The following FLNB variants were observed in gnomAD, a reference collection of about 807,000 sequenced individuals.
FLNB encodes the protein filamin B.
Under a neutral mutation model 250.6 loss-of-function variants are expected in FLNB, and 111 were observed. The observed-to-expected ratio is 0.44, with a 90% confidence interval of 0.38 to 0.52. The LOEUF (loss-of-function observed/expected upper bound fraction) is 0.52. Among genes scored for constraint, FLNB ranks in the 20% least tolerant of loss-of-function variants. The pLI is 0.00. For missense variants in FLNB, 2,869 were observed against 3,447.8 expected (o/e 0.83, Z 4.20); for synonymous variants, 1,302 against 1,372.1 (o/e 0.95, Z 1.13).
chr3:58,100,396 G>A (rs1410899090), intron 8 of FLNB, among the ~76,000 whole-genome samples: 8 of 36,572 alleles, frequency 2.2e-4, no homozygotes, highest in African/African-American at 6.9e-4. Flanking sequence ...TTGCAGGGGC[G>A]CGGTGGGAAG....
At chr3:58,135,045 G>T (rs1479471292) in intron 27 of FLNB, among the ~76,000 whole-genome samples, 5 of 151,956 alleles carry the variant, frequency 3.3e-5, no homozygotes, top group Non-Finnish European at 7.4e-5. Flanking sequence ...TAAAGATGGG[G>T]TTTCACCATG....
Position 58,123,459 on chromosome 3 carries a change from G to A in FLNB, c.3493G>A (p.Ala1165Thr), listed in dbSNP as rs753562279. Residue 1165 changes from alanine to threonine, a missense_variant, in exon 21 of 46, where the codon GCC (alanine) becomes ACC (threonine). Around this residue, in one of 5 missense-constraint regions of FLNB, gnomAD observed 1,348 missense variants for 1,466.7 expected, o/e 0.92. Coordinates refer to ENST00000295956, the MANE Select transcript of FLNB (RefSeq NM_001457.4). ...SVDCSEAGPG[A>T]LGLEAVSDSG... The stretch of plus-strand genomic sequence containing the variant: ...CGACTGCTCGGAAGCGGGACCGGGG[G>A]CCCTGGGCCTGGAAGCTGTCTCGGA... 2.5e-6 allele frequency: 4 copies of A among 1,608,120 alleles called. No individual in the cohort carries two copies. Among genetic ancestry groups the A allele is most frequent in the South Asian group, 1.1e-5 (1 of 90,764 alleles).
chr3:58,066,383 C>T (rs1464284765), intron 1 of FLNB, among the ~76,000 whole-genome samples: 1 of 151,960 alleles, frequency 6.6e-6, no homozygotes, highest in African/African-American at 2.4e-5. Context: ...CCATGCCTGA[C>T]CAATTTTTGT....
At chr3:58,064,898 G>A (rs2097183366) in intron 1 of FLNB, among the ~76,000 whole-genome samples, 1 of 152,152 alleles carries the variant, frequency 6.6e-6, no homozygotes, top group African/African-American at 2.4e-5. Flanking sequence ...ACACTGGCTA[G>A]GCGTGGTGGC....
intron 16 of FLNB, among the ~76,000 whole-genome samples, chr3:58,111,205 T>C (rs967821088): frequency 5.9e-5 from 9 of 152,178 alleles, no homozygotes; most frequent in African/African-American, 1.9e-4. Context: ...ATAGTGAAGA[T>C]AGGGTGAGCA....
intron 1 of FLNB, among the ~76,000 whole-genome samples, chr3:58,029,243 A>G (rs2097127491): frequency 6.6e-6 from 1 of 152,134 alleles, no homozygotes; most frequent in African/African-American, 2.4e-5. Flanking sequence ...ATAAGATATA[A>G]CAAAATGGCC....
At chr3:58,104,236 G>A in intron 10 of FLNB, 151 bp downstream of exon 10, 1 of 749,788 alleles carries the variant, frequency 1.3e-6, no homozygotes, top group South Asian at 1.9e-5. Context: ...CAGACATTTG[G>A]CCTGTTCTCA....
In FLNB at chr3:58,097,796, A is replaced by G. The variant is rs749302383; in HGVS notation, c.985-19A>G. The G allele has an allele frequency of 1.2e-6, 2 of 1,612,764 alleles. No individual in the cohort carries two copies. Among genetic ancestry groups the G allele is most frequent in the Non-Finnish European group, 1.7e-6 (2 of 1,179,188 alleles). ...ACAGAGAAGTGATTATGTATTTCTC[A>G]CCTATCTGTCACCTATAGGTCACAG... On this transcript the variant is annotated intron_variant, in intron 6 of 45. Coordinates refer to ENST00000295956, the MANE Select transcript of FLNB (RefSeq NM_001457.4).
Position 58,149,887 on chromosome 3 carries a change from C to A in FLNB, c.6129C>A (p.Ser2043Arg), listed in dbSNP as rs2097341947. ...GGISLAVEGPSKVDIQTEDLE... is the reference protein window; with the variant it reads ...GGISLAVEGPRKVDIQTEDLE... ...TATCCTTGGCGGTGGAAGGCCCCAG[C>A]AAAGTGGACATCCAGACGGAGGACC... The change falls in exon 37 of 46, where the codon AGC (serine) becomes AGA (arginine). Residue 2043 changes from serine (S) to arginine (R), a missense_variant. Ser to Arg is a moderately radical substitution (Grantham distance 110). This residue lies in a region of FLNB where 1,084 missense variants were observed against 1,315.5 expected (regional missense o/e 0.82). Coordinates refer to ENST00000295956, the MANE Select transcript of FLNB (RefSeq NM_001457.4). The A allele has an allele frequency of 6.2e-7, 1 of 1,614,086 alleles. No homozygotes were observed. Among genetic ancestry groups the A allele is most frequent in the African/African-American group, 1.3e-5 (1 of 74,934 alleles).
chr3:58,009,755 A>T (rs2097095726), intron 1 of FLNB, among the ~76,000 whole-genome samples: 1 of 152,118 alleles, frequency 6.6e-6, no homozygotes, highest in Non-Finnish European at 1.5e-5. Context: ...AGTTAGAAGG[A>T]GGCTTTGTTT....
chr3:58,100,599 T>C (rs2097249267), intron 8 of FLNB, among the ~76,000 whole-genome samples: 2 of 138,970 alleles, frequency 1.4e-5, no homozygotes. Flanking sequence ...CTTTTTTTTT[T>C]TGTTTTGTTT....
Position 58,142,038 on chromosome 3 carries a change from C to A in FLNB, c.5181+109C>A. The A allele has an allele frequency of 4.5e-6, 4 of 879,682 alleles. No individual in the cohort carries two copies. Among genetic ancestry groups the A allele is most frequent in the South Asian group, 2.7e-5 (2 of 73,100 alleles). 54.5% of individuals were successfully genotyped at this position (879,682 alleles called of 1,614,324 possible). On this transcript the variant is annotated intron_variant, in intron 30 of 45. Transcript: ENST00000295956. This position sits in a 1 kb window ranked among gnomAD's most constrained non-coding sequence, Gnocchi z 4.3. Reference sequence around the variant, plus strand: ...GCTTAAGCCCTGTGGGTGTCCTGGTCATTGGTGTGCCCCTCACTGATCAGC... The same window carrying A: ...GCTTAAGCCCTGTGGGTGTCCTGGTAATTGGTGTGCCCCTCACTGATCAGC...
intron 4 of FLNB, among the ~76,000 whole-genome samples, chr3:58,084,253 A>G (rs2097213750): frequency 6.6e-6 from 1 of 152,050 alleles, no homozygotes; most frequent in South Asian, 2.1e-4. Context: ...TGGAATGAGG[A>G]ATCTCTGACT....
At chr3:58,109,402 C>A (rs2097264789) in intron 14 of FLNB, 80 bp downstream of exon 14, 1 of 1,582,076 alleles carries the variant, frequency 6.3e-7, no homozygotes, top group Non-Finnish European at 8.6e-7. Context: ...GCCTGACAGC[C>A]AAGGCAGACA....
intron 12 of FLNB, among the ~76,000 whole-genome samples, chr3:58,107,847 A>G (rs942892681): frequency 1.4e-4 from 21 of 152,228 alleles, no homozygotes; most frequent in Admixed American, 7.2e-4. Flanking sequence ...GCCAAATGAT[A>G]TTCCTTTGCC....
intron 34 of FLNB, among the ~76,000 whole-genome samples, chr3:58,147,202 A>G (rs190266502): frequency 4.9e-4 from 75 of 152,328 alleles, no homozygotes; most frequent in African/African-American, 1.6e-3. Flanking sequence ...TGCGAGAGCT[A>G]GTATTTGGAG....
In FLNB at chr3:58,142,503, A is replaced by G; in HGVS notation, c.5182-147A>G. 1 of 713,698 alleles carries G rather than the reference A, an allele frequency of 1.4e-6. No homozygotes were observed. The allele number at this position is 713,698 out of a possible 1,614,324, so 44.2% of individuals were successfully genotyped here. A position where few individuals can be genotyped will look rare whatever the true frequency, so the allele number is the denominator to read the frequency against. ...TTCTACCCTGGGTCTGGAGCCACTT[A>G]GACAAAGCCCATACCACAATGGGCA... On this transcript the variant is annotated intron_variant, in intron 30 of 45. Coordinates refer to ENST00000295956, the MANE Select transcript of FLNB (RefSeq NM_001457.4). The surrounding 1 kb of genome is among the most constrained non-coding windows in gnomAD (Gnocchi z 4.3).
chr3:58,125,094 T>C (rs1242017377), intron 22 of FLNB, among the ~76,000 whole-genome samples: 1 of 152,168 alleles, frequency 6.6e-6, no homozygotes, highest in African/African-American at 2.4e-5. Context: ...AGACGGTTTG[T>C]ATTATTTAAA....
Position 58,132,764 on chromosome 3 carries a change from G to A in FLNB, c.4391-44G>A, listed in dbSNP as rs568253996. ...CAGACTCAGCCAAGGGTGGAGTAAA[G>A]GTGAGGCCAGGCAGCTCCTTAAACC... On this transcript the variant is annotated intron_variant, in intron 25 of 45. Coordinates refer to ENST00000295956, the MANE Select transcript of FLNB (RefSeq NM_001457.4). The A allele has an allele frequency of 5.2e-4, 838 of 1,613,722 alleles. 7 individuals carry two copies. In the South Asian group the frequency reaches 8.5e-3, roughly 16 times the overall value.
Sources: gnomAD v4.1 joint callset for allele counts (sites outside exome capture counted in the v4.1 genomes callset) on GRCh38, gnomAD v4.1.1 for gene constraint, gnomAD v4.1.1 regional missense constraint, Gnocchi (gnomAD v3.1) non-coding constraint, MANE v1.5 for transcripts, NCBI Gene and HGNC (gene_info 2026-07-23, HGNC 2026-07-21) for gene names.